GOLGA6D: variants seen among roughly 807,000 people sequenced by gnomAD.
GOLGA6D encodes the protein golgin subfamily A member 6D.
GOLGA6D carries 9 observed loss-of-function variants against 42.1 expected under a neutral mutation model. The observed-to-expected ratio is 0.21, with a 90% CI of 0.13 to 0.37. The LOEUF is 0.37. Ranked by LOEUF, GOLGA6D falls within the 10% of genes least tolerant of loss-of-function variation. GOLGA6D has a pLI of 1.00. For synonymous variants in GOLGA6D, 39 were observed against 167.3 expected (o/e 0.23, Z 5.92); for missense variants, 87 against 420.8 (o/e 0.21, Z 6.94).
At chr15:75,278,585 T>C (rs374401957), upstream of GOLGA6D, among the ~76,000 whole-genome samples, 1,588 of 147,656 alleles carry the variant, frequency 0.011, 17 homozygotes, top group Middle Eastern at 0.025. Context: ...GGGAGCCATG[T>C]GCAGACCCCA....
Position 75,294,598 on chromosome 15 carries a change from A to G in GOLGA6D, c.*123A>G. ...AGAAATTTAAAACAACAACAACAAC[A>G]AAAAGTTACGGGGTTCATCTCCTAC... On this transcript the variant is annotated 3_prime_UTR_variant, in exon 18 of 18. Coordinates refer to ENST00000434739, the MANE Select transcript of GOLGA6D (RefSeq NM_001145224.3). The G allele has an allele frequency of 4.3e-6, 4 of 941,024 alleles. No individual in the cohort carries two copies. The highest frequency in any genetic ancestry group is 4.7e-6 in the Non-Finnish European group (3 of 642,778). 58.3% of individuals were successfully genotyped at this position (941,024 alleles called of 1,614,324 possible).
At chr15:75,289,107 C>G (rs2070868820) in intron 7 of GOLGA6D, among the ~76,000 whole-genome samples, 1 of 126,204 alleles carries the variant, frequency 7.9e-6, no homozygotes, top group South Asian at 2.6e-4. Context: ...AATGGGATTG[C>G]TAGCATGGAA....
chr15:75,289,427 C>A lies in GOLGA6D; in HGVS notation c.595C>A (p.Arg199=). 8.5e-6 allele frequency: 13 copies of A among 1,530,534 alleles called. 3 individuals carry two copies. The highest frequency in any genetic ancestry group is 1.1e-5 in the Non-Finnish European group (13 of 1,131,460). 94.8% of individuals were successfully genotyped at this position (1,530,534 alleles called of 1,614,324 possible). ...SSSCREAVLQ[R]RLQQTIKERA... is the part of the protein sequence containing the mutation. ...GAGCTGCAGAGAAGCGGTCCTCCAG[C>A]GGCGGTTACAGCAGACCATAAAGGA... The change falls in exon 8 of 18, where the codon CGG becomes AGG. Residue 199 remains arginine, a synonymous_variant. Transcript: ENST00000434739.
Position 75,294,333 on chromosome 15 carries a change from T to C in GOLGA6D, c.1955-15T>C. On this transcript the variant is annotated splice_polypyrimidine_tract_variant and intron_variant, in intron 17 of 17. Coordinates refer to ENST00000434739, the MANE Select transcript of GOLGA6D (RefSeq NM_001145224.3). ...CTCGCACTGTGCTCAGACCCCCGCC[T>C]CCCTCTCTCCGAAGTTTTTTATGAA... 8 of 1,589,358 alleles carry C rather than the reference T, an allele frequency of 5.0e-6. 1 individual carries two copies. The highest frequency in any genetic ancestry group is 3.2e-5 in the African/African-American group (2 of 62,844).
Position 75,294,570 on chromosome 15 carries a change from T to G in GOLGA6D, c.*95T>G. The G allele has an allele frequency of 3.6e-6, 4 of 1,120,356 alleles. No individual in the cohort carries two copies. The highest frequency in any genetic ancestry group is 5.0e-6 in the Non-Finnish European group (4 of 799,450). 69.4% of individuals were successfully genotyped at this position (1,120,356 alleles called of 1,614,324 possible). A position where few individuals can be genotyped will look rare whatever the true frequency, so the allele number is the denominator to read the frequency against. ...AACATCATCATCTTCTAAGAGCTGG[T>G]CAAGAAATTTAAAACAACAACAACA... On this transcript the variant is annotated 3_prime_UTR_variant, in exon 18 of 18. Transcript: ENST00000434739.
chr15:75,276,218 T>C, the GOLGA6D span, among the ~76,000 whole-genome samples: 1 of 151,712 alleles, frequency 6.6e-6, no homozygotes, highest in Non-Finnish European at 1.5e-5. Flanking sequence ...GGAACCCACA[T>C]TCCCTGCCCC....
At chr15:75,288,931 C>G (rs1325676379) in intron 7 of GOLGA6D, among the ~76,000 whole-genome samples, 3 of 132,910 alleles carry the variant, frequency 2.3e-5, no homozygotes, top group Non-Finnish European at 3.2e-5. Context: ...TGTCCCCACC[C>G]CCAGCAAGAA....
chr15:75,279,036 C>T (rs879144534), upstream of GOLGA6D, among the ~76,000 whole-genome samples: 9 of 147,684 alleles, frequency 6.1e-5, no homozygotes, highest in South Asian at 2.2e-4. Flanking sequence ...ATTTAGACCA[C>T]GGGAAGTTGA....
chr15:75,294,368 G>A lies in GOLGA6D; in HGVS notation c.1975G>A (p.Asp659Asn), dbSNP rs1203978773. Reference protein sequence around the residue: ...EQDVFYEVSLDNNVEPAPGVA... With the variant: ...EQDVFYEVSLNNNVEPAPGVA... ...CGAAGTTTTTTATGAAGTGAGCCTG[G>A]ACAACAACGTGGAGCCTGCACCAGG... Residue 659 changes from aspartate (D) to asparagine (N), a missense_variant, in exon 18 of 18, where the codon GAC becomes AAC. Transcript: ENST00000434739. 1.3e-6 allele frequency: 2 copies of A among 1,597,524 alleles called. No individual in the cohort carries two copies. The highest frequency in any genetic ancestry group is 1.7e-6 in the Non-Finnish European group (2 of 1,177,776).
At chr15:75,279,062 G>T (rs1407434413), upstream of GOLGA6D, among the ~76,000 whole-genome samples, 1 of 146,586 alleles carries the variant, frequency 6.8e-6, no homozygotes, top group African/African-American at 2.6e-5. Context: ...AAGTTTAAAT[G>T]TTCTCTGCTG....
At chr15:75,276,371 C>T in the GOLGA6D span, among the ~76,000 whole-genome samples, 1 of 150,846 alleles carries the variant, frequency 6.6e-6, no homozygotes, top group African/African-American at 2.5e-5. Flanking sequence ...ATTGTGCCAC[C>T]TCCAGACAGG....
In GOLGA6D at chr15:75,294,422, A is replaced by G; in HGVS notation, c.2029A>G (p.Asn677Asp). Residue 677 changes from asparagine (N) to aspartate (D), a missense_variant, in exon 18 of 18, where the codon AAC becomes GAC. By Grantham distance (23) the Asn-to-Asp change is conservative. Coordinates refer to ENST00000434739, the MANE Select transcript of GOLGA6D (RefSeq NM_001145224.3). ...GGCCAGGGAGGGTTCTCCCCATAACAACCCCACTGTACAGCAGATCGTGCA... is the reference window on the plus strand; with the variant it reads ...GGCCAGGGAGGGTTCTCCCCATAACGACCCCACTGTACAGCAGATCGTGCA... ...GVAREGSPHN[N>D]PTVQQIVQLS... 1 of 1,598,096 alleles carries G rather than the reference A, an allele frequency of 6.3e-7. No homozygotes were observed. Among genetic ancestry groups the G allele is most frequent in the South Asian group, 1.1e-5 (1 of 90,590 alleles).
rs1464770437 is a variant in GOLGA6D, at chr15:75,289,298, C to A, written c.565-99C>A. ...GGCCACGGGCTTGGAAATGCCTTGACCTTTACTGACCGAGTTGTATATTGA... is the reference window on the plus strand; with the variant it reads ...GGCCACGGGCTTGGAAATGCCTTGAACTTTACTGACCGAGTTGTATATTGA... On this transcript the variant is annotated intron_variant, in intron 7 of 17. Coordinates refer to ENST00000434739, the MANE Select transcript of GOLGA6D (RefSeq NM_001145224.3). 21 of 960,558 alleles carry A rather than the reference C, an allele frequency of 2.2e-5. 2 individuals carry two copies. The highest frequency in any genetic ancestry group is 5.5e-5 in the African/African-American group (3 of 54,384). The allele number at this position is 960,558 out of a possible 1,614,324, so 59.5% of individuals were successfully genotyped here. A position where few individuals can be genotyped will look rare whatever the true frequency, so the allele number is the denominator to read the frequency against.
chr15:75,278,670 G>C (rs945715602), upstream of GOLGA6D, among the ~76,000 whole-genome samples: 1 of 151,766 alleles, frequency 6.6e-6, no homozygotes, highest in Non-Finnish European at 1.5e-5. Context: ...TTCCAAATCT[G>C]CCTAACAAAG....
the GOLGA6D span, among the ~76,000 whole-genome samples, chr15:75,276,382 C>A: frequency 1.3e-5 from 2 of 150,728 alleles, no homozygotes; most frequent in Non-Finnish European, 2.9e-5. Flanking sequence ...TCCAGACAGG[C>A]CATGCTAGCC....
In GOLGA6D at chr15:75,293,579, G is replaced by A; in HGVS notation, c.1594-150G>A. The A allele has an allele frequency of 6.2e-6, 4 of 646,394 alleles. No homozygotes were observed. In the East Asian group the frequency reaches 1.1e-4, roughly 18 times the overall value. The allele number at this position is 646,394 out of a possible 1,614,324, so 40.0% of individuals were successfully genotyped here. On this transcript the variant is annotated intron_variant, in intron 14 of 17. Coordinates refer to ENST00000434739, the MANE Select transcript of GOLGA6D (RefSeq NM_001145224.3). ...GAGGCCCCAGCCCCAGGGAGGACTGGAGATGAGTTTGTGTGTGGGGAGAGC... is the reference window on the plus strand; with the variant it reads ...GAGGCCCCAGCCCCAGGGAGGACTGAAGATGAGTTTGTGTGTGGGGAGAGC...
chr15:75,278,639 AC>A (rs1181249969), upstream of GOLGA6D, among the ~76,000 whole-genome samples: 10 of 151,566 alleles, frequency 6.6e-5, no homozygotes, highest in Admixed American at 3.3e-4. Flanking sequence ...TTTCCTCTCC[AC>A]CCTTGCTGTT....
At chr15:75,277,697 C>T in the GOLGA6D span, among the ~76,000 whole-genome samples, 5 of 132,944 alleles carry the variant, frequency 3.8e-5, no homozygotes, top group Admixed American at 3.1e-4. Context: ...ACGGTGGTGC[C>T]TGTGGTCCCA....
chr15:75,293,434 TCCGCTGGAGCCAGTTC>T (rs2070883868), intron 14 of GOLGA6D, among the ~76,000 whole-genome samples: 1 of 146,358 alleles, frequency 6.8e-6, no homozygotes, highest in Admixed American at 6.7e-5. Context: ...ATTTTTCAAC[TCCGCTGGAGCCAGTTC>T]CCAGGAGGAG....
Sources: allele counts gnomAD v4.1 joint callset (sites outside exome capture counted in the v4.1 genomes callset), GRCh38; gene constraint gnomAD v4.1.1; transcripts MANE v1.5; gene names NCBI Gene and HGNC (gene_info 2026-07-23, HGNC 2026-07-21).